The following AKAP1 variants were observed in gnomAD, a reference collection of about 807,000 sequenced individuals.
The protein encoded by AKAP1 is A-kinase anchor protein 1, mitochondrial.
A neutral mutation model predicts 79.8 loss-of-function variants in AKAP1; 32 were observed. That is an observed-to-expected ratio of 0.40 (90% CI 0.30 to 0.54). AKAP1 has a LOEUF of 0.54. Among genes scored for constraint, AKAP1 ranks in the 20% least tolerant of loss-of-function variants. AKAP1 has a pLI of 0.47. For missense variants in AKAP1, 961 were observed against 1,138.9 expected, an observed-to-expected ratio of 0.84 and a Z score of 2.25; for synonymous variants, 416 against 466.7, an observed-to-expected ratio of 0.89 and a Z score of 1.40.
chr17:57,109,605 G>T (rs770342846), intron 2 of AKAP1, among the ~76,000 whole-genome samples: 2 of 152,192 alleles, frequency 1.3e-5, no homozygotes, highest in Non-Finnish European at 1.5e-5. Flanking sequence ...GTCTGAGGGG[G>T]TAGGATAGTT....
chr17:57,098,307 C>T (rs141703335), intron 1 of AKAP1: 3 of 152,388 alleles, frequency 2.0e-5, no homozygotes, highest in African/African-American at 7.2e-5. Context: ...GTCCTCCCCA[C>T]CAACCCTAGG....
rs757231248 is a variant in AKAP1, at chr17:57,107,090, C to G, written c.1626C>G (p.Pro542=). The G allele has an allele frequency of 6.2e-7, 1 of 1,614,204 alleles. No homozygotes were observed. The highest frequency in any genetic ancestry group is 1.1e-5 in the South Asian group (1 of 91,080). ...CGCCACTGCCAGAAAGTACTGTGCC[C>G]TTCAGCAATGGGGTGCTGAAGGGGG... ...ITPPLPESTV[P]FSNGVLKGEL... is the part of the protein sequence containing the mutation. Residue 542 remains proline, a synonymous_variant, in exon 2 of 11, where the codon CCC becomes CCG. Transcript: ENST00000337714.
At chr17:57,085,859 T>G (rs1195426038) in intron 1 of AKAP1, 1 of 152,784 alleles carries the variant, frequency 6.5e-6, no homozygotes, top group Non-Finnish European at 1.5e-5. Context: ...GGCGTTTACT[T>G]TTCAAAGGTC....
intron 1 of AKAP1, among the ~76,000 whole-genome samples, chr17:57,091,135 A>G (rs1030984029): frequency 1.3e-5 from 2 of 152,188 alleles, no homozygotes; most frequent in African/African-American, 2.4e-5. Context: ...ACTCCCAAGA[A>G]AAAGGAGCAG....
Position 57,105,950 on chromosome 17 carries a change from T to A in AKAP1, c.486T>A (p.Ala162=), listed in dbSNP as rs1185649244. Residue 162 remains alanine, a synonymous_variant, in exon 2 of 11, where the codon GCT becomes GCA. Coordinates refer to ENST00000337714, the MANE Select transcript of AKAP1 (RefSeq NM_003488.4). ...GTGTACTATTCTCCAGCAAATCAGC[T>A]GAGGTGTGTAAGCAAGATTCCCCCT... The part of the protein sequence containing the change: ...PKGVLFSSKS[A]EVCKQDSPFS... 1 of 1,614,154 alleles carries A rather than the reference T, an allele frequency of 6.2e-7. No homozygotes were observed. Among genetic ancestry groups the A allele is most frequent in the Admixed American group, 1.7e-5 (1 of 60,030 alleles).
At chr17:57,098,496 AG>A (rs2144671337) in intron 1 of AKAP1, 1 of 152,382 alleles carries the variant, frequency 6.6e-6, no homozygotes, top group Non-Finnish European at 1.5e-5. Flanking sequence ...AAAACACCTC[AG>A]GGCAAAGAGA....
chr17:57,105,378 T>C, intron 1 of AKAP1, 63 bp from the exon 2 acceptor site: 1 of 1,489,162 alleles, frequency 6.7e-7, no homozygotes, highest in South Asian at 1.1e-5. Context: ...GCATGTGCGG[T>C]TGCCAGTATC....
chr17:57,107,047 G>C lies in AKAP1; in HGVS notation c.1583G>C (p.Arg528Thr), dbSNP rs776950221. The change falls in exon 2 of 11, where the codon AGG (arginine) becomes ACG (threonine). Residue 528 changes from arginine to threonine, a missense_variant. Coordinates refer to ENST00000337714, the MANE Select transcript of AKAP1 (RefSeq NM_003488.4). ...DSCTETSSSP[R>T]DKAITPPLPE... is the part of the protein sequence containing the mutation. ...TGCACAGAGACCAGCTCGAGCCCCA[G>C]GGACAAGGCCATCACCCCGCCACTG... The C allele has an allele frequency of 6.2e-7, 1 of 1,614,156 alleles. No individual in the cohort carries two copies. The highest frequency in any genetic ancestry group is 8.5e-7 in the Non-Finnish European group (1 of 1,180,030).
In AKAP1 at chr17:57,086,232, G is replaced by T; in HGVS notation, c.-25+834G>T. 3.0e-6 allele frequency: 1 copy of T among 329,808 alleles called. No individual in the cohort carries two copies. Among genetic ancestry groups the T allele is most frequent in the Non-Finnish European group, 6.0e-6 (1 of 167,904 alleles). 20.4% of individuals were successfully genotyped at this position (329,808 alleles called of 1,614,324 possible). A position where few individuals can be genotyped will look rare whatever the true frequency, so the allele number is the denominator to read the frequency against. On this transcript the variant is annotated intron_variant, in intron 1 of 10. Coordinates refer to ENST00000337714, the MANE Select transcript of AKAP1 (RefSeq NM_003488.4). The surrounding 1 kb of genome is among the most constrained non-coding windows in gnomAD (Gnocchi z 5.1). The stretch of plus-strand genomic sequence containing the variant: ...GGCCCCGCCTGCGGCCCAGGGCCCG[G>T]GGTCTGCGATCTGGAGGGACCGCGC...
chr17:57,093,439 C>T (rs1365110835), intron 1 of AKAP1: 2 of 152,158 alleles, frequency 1.3e-5, no homozygotes, highest in Non-Finnish European at 2.9e-5. Flanking sequence ...GCCCTCAATG[C>T]CTTGCTTCCA....
chr17:57,101,106 C>T (rs1039506731), intron 1 of AKAP1, among the ~76,000 whole-genome samples: 8 of 152,214 alleles, frequency 5.3e-5, no homozygotes, highest in Non-Finnish European at 7.3e-5. Context: ...CCTGTCTTTA[C>T]TCTTTTATTT....
chr17:57,106,879 A>T lies in AKAP1; in HGVS notation c.1415A>T (p.Glu472Val). 6.2e-7 allele frequency: 1 copy of T among 1,613,862 alleles called. No individual in the cohort carries two copies. Among genetic ancestry groups the T allele is most frequent in the Non-Finnish European group, 8.5e-7 (1 of 1,179,720 alleles). Residue 472 changes from glutamate (E) to valine (V), a missense_variant, in exon 2 of 11, where the codon GAA (glutamate) becomes GTA (valine). By Grantham distance (121) the Glu-to-Val change is moderately radical (BLOSUM62 -2). Coordinates refer to ENST00000337714, the MANE Select transcript of AKAP1 (RefSeq NM_003488.4). The stretch of plus-strand genomic sequence containing the variant: ...TGCCTGGCACTGACCACCCCCAGTG[A>T]AGAGTTGCCGGACCGGGCAGGCATC... ...ASCLALTTPSEELPDRAGILV... is the reference protein window; with the variant it reads ...ASCLALTTPSVELPDRAGILV...
At chr17:57,111,579 G>T (rs530478842) in intron 3 of AKAP1, among the ~76,000 whole-genome samples, 1 of 152,248 alleles carries the variant, frequency 6.6e-6, no homozygotes, top group East Asian at 1.9e-4. Flanking sequence ...AGCCTCTCTG[G>T]GCTTGTTTCC....
At chr17:57,116,394 CAG>C (rs1915588053) in intron 7 of AKAP1, 133 bp downstream of exon 7, 22 of 1,206,068 alleles carry the variant, frequency 1.8e-5, no homozygotes, top group Non-Finnish European at 2.5e-5. Flanking sequence ...TGTGTTTTAG[CAG>C]AGTCTGATAG....
rs548689105 is a variant in AKAP1 at position 57,103,453 on chromosome 17, T to C, written c.-24-1988T>C. On this transcript the variant is annotated intron_variant, in intron 1 of 10. Coordinates refer to ENST00000337714, the MANE Select transcript of AKAP1 (RefSeq NM_003488.4). ...GGTCCTAGGCAATATTCAGGACTTC[T>C]GGTACATGGATCGCACTTTCAGAAG... 4.6e-5 allele frequency among the ~76,000 whole-genome samples: 7 copies of C among 152,354 alleles called. No individual in the cohort carries two copies. In the South Asian group the frequency reaches 1.2e-3, roughly 27 times the overall value.
intron 1 of AKAP1, among the ~76,000 whole-genome samples, chr17:57,088,069 ATCT>A (rs1228660325): frequency 6.6e-6 from 1 of 152,202 alleles, no homozygotes; most frequent in Non-Finnish European, 1.5e-5. Flanking sequence ...TCCTGTGGGC[ATCT>A]TGTCCCATTG....
chr17:57,105,200 A>G (rs1469518012), intron 1 of AKAP1, among the ~76,000 whole-genome samples: 4 of 152,162 alleles, frequency 2.6e-5, no homozygotes, highest in Non-Finnish European at 5.9e-5. Context: ...GGTTTGTTTC[A>G]AGAGGGTGCG....
chr17:57,110,024 G>A lies in AKAP1; in HGVS notation c.1715-1G>A. 6.2e-7 allele frequency: 1 copy of A among 1,613,770 alleles called. No individual in the cohort carries two copies. The highest frequency in any genetic ancestry group is 1.3e-5 in the African/African-American group (1 of 75,032). ...CGTGCCTGCTGCTTCTTCCCCTGCA[G>A]GTTCTGACAGGAACAGCATGGATTC... On this transcript the variant is annotated splice_acceptor_variant, in intron 2 of 10. Transcript: ENST00000337714. LOFTEE classifies it high-confidence loss of function.
chr17:57,097,061 C>T (rs545549286), intron 1 of AKAP1, among the ~76,000 whole-genome samples: 19 of 152,260 alleles, frequency 1.2e-4, no homozygotes, highest in Admixed American at 3.3e-4. Flanking sequence ...GACTATGGCT[C>T]CTGTGGCAAA....
Sources: allele counts gnomAD v4.1 joint callset (sites outside exome capture counted in the v4.1 genomes callset), GRCh38; gene constraint gnomAD v4.1.1; non-coding constraint Gnocchi (gnomAD v3.1); transcripts MANE v1.5; gene names NCBI Gene and HGNC (gene_info 2026-07-23, HGNC 2026-07-21).